Variants in HS2ST1 observed in about 807,000 individuals in gnomAD.
HS2ST1 encodes heparan sulfate 2-O-sulfotransferase 1, also known as 2-O-sulfotransferase.
In HS2ST1, 18 loss-of-function variants were observed where a neutral mutation model predicts 42.9. The ratio of observed to expected loss-of-function variants is 0.42; its 90% CI spans 0.29 to 0.62. The LOEUF is 0.62. Ranked by LOEUF, HS2ST1 falls within the 20% of genes least tolerant of loss-of-function variation. HS2ST1 has a pLI of 0.21. For synonymous variants in HS2ST1, 146 were observed against 152.9 expected (o/e 0.95, Z 0.33); for missense variants, 334 against 433.8 (o/e 0.77, Z 2.04).
chr1:87,100,085 G>A (rs1440075442), intron 5 of HS2ST1, among the ~76,000 whole-genome samples: 1 of 152,182 alleles, frequency 6.6e-6, no homozygotes, highest in South Asian at 2.1e-4. Context: ...GCAAGCCGAT[G>A]GTGAGCCAAC....
chr1:87,097,018 T>C (rs1379295629), intron 4 of HS2ST1, among the ~76,000 whole-genome samples: 1 of 152,206 alleles, frequency 6.6e-6, no homozygotes, highest in African/African-American at 2.4e-5. Flanking sequence ...AGAAATAATA[T>C]CAAATGCCTC....
intron 1 of HS2ST1, among the ~76,000 whole-genome samples, chr1:86,921,918 T>C (rs1452924745): frequency 6.6e-6 from 1 of 152,198 alleles, no homozygotes; most frequent in Non-Finnish European, 1.5e-5. Context: ...TGTATTTATA[T>C]TTAAAGTGGA....
intron 4 of HS2ST1, among the ~76,000 whole-genome samples, chr1:87,096,397 T>G (rs888551323): frequency 6.6e-6 from 1 of 152,248 alleles, no homozygotes; most frequent in African/African-American, 2.4e-5. Flanking sequence ...TGTTAACATA[T>G]TTTGTTATAC....
intron 1 of HS2ST1, chr1:87,045,226 A>G (rs1650619599): frequency 9.8e-7 from 1 of 1,018,770 alleles, no homozygotes; most frequent in Non-Finnish European, 1.6e-6. Flanking sequence ...CTTCAAATTC[A>G]ACATCCTTTC....
In HS2ST1 at chr1:86,980,343, T is replaced by C. The variant is rs189500159; in HGVS notation, c.124+65183T>C. On this transcript the variant is annotated intron_variant, in intron 1 of 6. Transcript: ENST00000370550. ...ATACAATATTCAGTGAAAATAGTAA[T>C]ATTAAATAAAGAATATATATTGCAA... Among the ~76,000 whole-genome samples the C allele has an allele frequency of 6.4e-3, 972 of 152,282 alleles. 13 individuals carry two copies. Among genetic ancestry groups the C allele is most frequent in the Non-Finnish European group, 8.6e-3 (582 of 68,016 alleles).
chr1:86,970,553 A>G (rs938273736), intron 1 of HS2ST1, among the ~76,000 whole-genome samples: 6 of 152,062 alleles, frequency 3.9e-5, no homozygotes, highest in African/African-American at 1.4e-4. Context: ...GGCGTGCACC[A>G]CCATGCTTGG....
chr1:86,967,416 C>G (rs1034502416), intron 1 of HS2ST1, among the ~76,000 whole-genome samples: 5 of 152,018 alleles, frequency 3.3e-5, no homozygotes, highest in African/African-American at 1.2e-4. Flanking sequence ...GTACATTGTA[C>G]CCAATATGTA....
chr1:87,087,078 G>T (rs1651834163), intron 3 of HS2ST1, among the ~76,000 whole-genome samples: 1 of 151,924 alleles, frequency 6.6e-6, no homozygotes, highest in Non-Finnish European at 1.5e-5. Flanking sequence ...ACCAGTTCAT[G>T]AAGTTTTATT....
At chr1:87,026,633 AT>A (rs1310588490) in intron 1 of HS2ST1, among the ~76,000 whole-genome samples, 2 of 152,150 alleles carry the variant, frequency 1.3e-5, no homozygotes, top group African/African-American at 4.8e-5. Flanking sequence ...CTTTCATCTC[AT>A]TAGTTACAAG....
chr1:86,959,729 A>G (rs1003516646), intron 1 of HS2ST1, among the ~76,000 whole-genome samples: 2 of 86,648 alleles, frequency 2.3e-5, no homozygotes, highest in African/African-American at 9.6e-5. Flanking sequence ...AAGTCCTTAG[A>G]TATAAATCTT....
intron 1 of HS2ST1, among the ~76,000 whole-genome samples, chr1:86,989,675 C>T (rs1471110527): frequency 6.6e-6 from 1 of 152,152 alleles, no homozygotes; most frequent in Non-Finnish European, 1.5e-5. Flanking sequence ...CACCCATCAA[C>T]CTGTCATCTA....
intron 5 of HS2ST1, among the ~76,000 whole-genome samples, chr1:87,101,147 G>GTTTTTTT (rs1557546414): frequency 1.1e-4 from 8 of 75,890 alleles, no homozygotes; most frequent in Admixed American, 1.7e-4. Flanking sequence ...GTGTGTGTGT[G>GTTTTTTT]TGTTTTTTGT....
chr1:87,090,058 G>A (rs1393569003), intron 3 of HS2ST1, among the ~76,000 whole-genome samples: 4 of 151,986 alleles, frequency 2.6e-5, no homozygotes, highest in Admixed American at 2.6e-4. Context: ...CCATTGTCCT[G>A]TAATCTCTCC....
intron 1 of HS2ST1, among the ~76,000 whole-genome samples, chr1:86,958,143 CA>C (rs1270623162): frequency 1.3e-5 from 2 of 152,126 alleles, no homozygotes; most frequent in African/African-American, 4.8e-5. Flanking sequence ...ATGAGAGGAT[CA>C]GGGGCATCAG....
intron 1 of HS2ST1, among the ~76,000 whole-genome samples, chr1:86,920,918 T>G (rs1252718931): frequency 6.6e-6 from 1 of 152,132 alleles, no homozygotes; most frequent in African/African-American, 2.4e-5. Context: ...TGTCACAATG[T>G]ATTCTTGAAA....
chr1:86,923,002 T>C (rs1350720714), intron 1 of HS2ST1, among the ~76,000 whole-genome samples: 3 of 152,142 alleles, frequency 2.0e-5, no homozygotes, highest in Non-Finnish European at 4.4e-5. Flanking sequence ...AGTGATGTTC[T>C]ATTCATCATT....
intron 1 of HS2ST1, among the ~76,000 whole-genome samples, chr1:87,054,989 C>T (rs1264904341): frequency 6.6e-6 from 1 of 152,182 alleles, no homozygotes; most frequent in Middle Eastern, 3.2e-3. Flanking sequence ...GAAACAGCTC[C>T]TTAATCATTT....
At chr1:87,015,352 T>TG (rs1340831000) in intron 1 of HS2ST1, among the ~76,000 whole-genome samples, 2 of 142,800 alleles carry the variant, frequency 1.4e-5, no homozygotes, top group East Asian at 4.2e-4. Flanking sequence ...GGCCCTGTTT[T>TG]TTTTTTTTTT....
intron 1 of HS2ST1, among the ~76,000 whole-genome samples, chr1:86,948,220 A>T (rs192748131): frequency 1.3e-5 from 2 of 152,290 alleles, no homozygotes; most frequent in Admixed American, 1.3e-4. Context: ...ATGCTACAGT[A>T]TAAGAAGTAT....
Sources: gnomAD v4.1 joint callset for allele counts (sites outside exome capture counted in the v4.1 genomes callset) on GRCh38, gnomAD v4.1.1 for gene constraint, MANE v1.5 for transcripts, NCBI Gene and HGNC (gene_info 2026-07-23, HGNC 2026-07-21) for gene names.